ARMC8: variants seen among roughly 807,000 people sequenced by gnomAD.
ARMC8 encodes the protein armadillo repeat-containing protein 8.
A neutral mutation model predicts 99.3 loss-of-function variants in ARMC8; 20 were observed. The observed-to-expected ratio is 0.20, with a 90% CI of 0.14 to 0.29. ARMC8 has a LOEUF of 0.29. ARMC8 is among the 10% of genes least tolerant of loss of function. ARMC8 has a pLI of 1.00. For synonymous variants in ARMC8, 263 were observed against 278.3 expected, an observed-to-expected ratio of 0.95 and a Z score of 0.55; for missense variants, 569 against 809.5, an observed-to-expected ratio of 0.70 and a Z score of 3.60.
chr3:138,199,218 A>G (rs1479473126), intron 1 of ARMC8, among the ~76,000 whole-genome samples: 1 of 152,176 alleles, frequency 6.6e-6, no homozygotes. Flanking sequence ...AATAGTACAC[A>G]AGGGGTATAA....
At chr3:138,263,591 C>A in intron 12 of ARMC8, 148 bp from the exon 13 acceptor site, 1 of 716,224 alleles carries the variant, frequency 1.4e-6, no homozygotes, top group East Asian at 2.6e-5. Flanking sequence ...GCTGCCCGCC[C>A]CCAGCGCAAG....
chr3:138,262,145 G>T (rs2047805676), intron 12 of ARMC8: 1 of 160,384 alleles, frequency 6.2e-6, no homozygotes, highest in Admixed American at 6.4e-5. Flanking sequence ...AAGGGAAACT[G>T]TCTTCTAAGT....
intron 12 of ARMC8, chr3:138,263,524 T>TA (rs1350779370): frequency 8.5e-6 from 5 of 586,506 alleles, no homozygotes; most frequent in South Asian, 4.0e-5. Flanking sequence ...ACCTGCCCCT[T>TA]ACGCCTGTCA....
At chr3:138,191,202 A>G (rs780227076) in intron 1 of ARMC8, among the ~76,000 whole-genome samples, 1 of 152,128 alleles carries the variant, frequency 6.6e-6, no homozygotes, top group African/African-American at 2.4e-5. Flanking sequence ...TGAACTATCT[A>G]TTTTGGAGGG....
At position 138,257,846 on chromosome 3, in the gene ARMC8, T is replaced by C. The variant is rs576051046; in HGVS notation, c.1135-5893T>C. ...CGTCCTTTTTCCTTGCCAGACCTAC[T>C]CTCTCTCCCTGACCTCCTTGTGCTG... is the stretch of plus-strand genomic sequence containing the variant. On this transcript the variant is annotated intron_variant, in intron 12 of 21. Coordinates refer to ENST00000469044, the MANE Select transcript of ARMC8 (RefSeq NM_001363941.2). Among the ~76,000 whole-genome samples, 3 of 152,250 alleles carry C rather than the reference T, an allele frequency of 2.0e-5. No homozygotes were observed. The South Asian group carries it at 6.2e-4, about 32-fold the overall frequency.
chr3:138,282,166 C>T (rs2049991848), intron 18 of ARMC8, among the ~76,000 whole-genome samples: 2 of 152,194 alleles, frequency 1.3e-5, no homozygotes, highest in South Asian at 4.1e-4. Flanking sequence ...AGGATTGGAT[C>T]ACTACCACTG....
intron 6 of ARMC8, among the ~76,000 whole-genome samples, chr3:138,231,281 T>C (rs1387220793): frequency 1.3e-5 from 2 of 151,958 alleles, no homozygotes; most frequent in Non-Finnish European, 2.9e-5. Context: ...TTCATGTTGT[T>C]CTTTTTTTGC....
rs374453384 is a variant in ARMC8, at chr3:138,218,870, A to G, written c.123-3056A>G. ...GCATGAGATGACATTCTTTTGGTCT[A>G]CTGGGAAAAGGGTATCTGACTAAAA... On this transcript the variant is annotated intron_variant, in intron 2 of 21. Transcript: ENST00000469044. 1.2e-4 allele frequency among the ~76,000 whole-genome samples: 18 copies of G among 152,318 alleles called. No homozygotes were observed. In the East Asian group the frequency reaches 1.7e-3, roughly 15 times the overall value.
chr3:138,259,934 G>A (rs1309093626), intron 12 of ARMC8, among the ~76,000 whole-genome samples: 1 of 152,176 alleles, frequency 6.6e-6, no homozygotes, highest in Non-Finnish European at 1.5e-5. Flanking sequence ...GTTTCAGTGT[G>A]TGGCCCCATG....
chr3:138,187,522 G>T lies in ARMC8; in HGVS notation c.-33G>T. ...TGTCGAAAGTGCCGGCCCCCGCGCC[G>T]GCGCCTGCAGCAGCCGGGTGGGAAG... On this transcript the variant is annotated 5_prime_UTR_variant, in exon 1 of 22. Transcript: ENST00000469044. 10 of 1,535,308 alleles carry T rather than the reference G, an allele frequency of 6.5e-6. No individual in the cohort carries two copies. The highest frequency in any genetic ancestry group is 8.7e-6 in the Non-Finnish European group (10 of 1,146,348).
intron 1 of ARMC8, among the ~76,000 whole-genome samples, chr3:138,192,697 T>G (rs1253856340): frequency 6.6e-6 from 1 of 152,004 alleles, no homozygotes; most frequent in Non-Finnish European, 1.5e-5. Flanking sequence ...ACTACAGGTG[T>G]GTGCCACCAT....
At position 138,271,936 on chromosome 3, in the gene ARMC8, C is replaced by T. The variant is rs1216555631; in HGVS notation, c.1480-1031C>T. ...TCAACCTCCTGAGTAGCTGGGATTACAGGCGTGTGCCACCACACCTGGCTA... is the reference window on the plus strand; with the variant it reads ...TCAACCTCCTGAGTAGCTGGGATTATAGGCGTGTGCCACCACACCTGGCTA... On this transcript the variant is annotated intron_variant, in intron 16 of 21. Transcript: ENST00000469044. Among the ~76,000 whole-genome samples, 19 of 152,176 alleles carry T rather than the reference C, an allele frequency of 1.2e-4. No individual in the cohort carries two copies. In the East Asian group the frequency reaches 3.1e-3, roughly 25 times the overall value.
intron 2 of ARMC8, among the ~76,000 whole-genome samples, chr3:138,219,019 A>C (rs758143928): frequency 6.6e-6 from 1 of 152,204 alleles, no homozygotes; most frequent in Non-Finnish European, 1.5e-5. Context: ...TGTCCTGGCC[A>C]TAATGGAAAA....
intron 1 of ARMC8, among the ~76,000 whole-genome samples, chr3:138,199,420 A>G (rs1303704763): frequency 1.3e-5 from 2 of 152,166 alleles, no homozygotes; most frequent in African/African-American, 2.4e-5. Context: ...TGGAATACCT[A>G]AGAAGGACAT....
At chr3:138,257,517 A>G (rs2047466757) in intron 12 of ARMC8, among the ~76,000 whole-genome samples, 1 of 152,134 alleles carries the variant, frequency 6.6e-6, no homozygotes, top group African/African-American at 2.4e-5. Flanking sequence ...CAGTCTATCC[A>G]GATAAGCTGG....
intron 12 of ARMC8, among the ~76,000 whole-genome samples, chr3:138,250,884 C>T (rs1273300093): frequency 2.6e-5 from 4 of 152,060 alleles, no homozygotes; most frequent in Non-Finnish European, 5.9e-5. Context: ...TGGTGGCTCA[C>T]GCCTGTAATT....
intron 9 of ARMC8, chr3:138,239,004 G>C (rs1212480200): frequency 1.3e-5 from 2 of 156,780 alleles, no homozygotes; most frequent in African/African-American, 2.4e-5. Context: ...ATGGATAGCT[G>C]TGTTACAAGT....
chr3:138,224,381 A>G (rs1409433338), intron 5 of ARMC8, among the ~76,000 whole-genome samples: 1 of 152,226 alleles, frequency 6.6e-6, no homozygotes, highest in Non-Finnish European at 1.5e-5. Context: ...GTTTGAGGTT[A>G]TACTAAGCTA....
At chr3:138,224,792 A>G (rs1207540338) in intron 5 of ARMC8, among the ~76,000 whole-genome samples, 2 of 152,194 alleles carry the variant, frequency 1.3e-5, no homozygotes, top group African/African-American at 2.4e-5. Context: ...AAGTCTCAAA[A>G]AGTATTTGAG....
Sources: allele counts gnomAD v4.1 joint callset (sites outside exome capture counted in the v4.1 genomes callset), GRCh38; gene constraint gnomAD v4.1.1; transcripts MANE v1.5; gene names NCBI Gene and HGNC (gene_info 2026-07-23, HGNC 2026-07-21).